ZNF385D: variants seen among roughly 807,000 people sequenced by gnomAD.
ZNF385D encodes zinc finger protein 659.
A neutral mutation model predicts 35.8 loss-of-function variants in ZNF385D; 15 were observed. That is an observed-to-expected ratio of 0.42 (90% CI 0.28 to 0.64). The LOEUF (loss-of-function observed/expected upper bound fraction) is 0.64, where lower values mean the gene tolerates loss of function less well. Ranked by LOEUF, ZNF385D falls within the 30% of genes least tolerant of loss-of-function variation. The pLI is 0.23. For synonymous variants in ZNF385D, 212 were observed against 186.8 expected, an observed-to-expected ratio of 1.13 and a Z score of -1.10; for missense variants, 474 against 494.6, an observed-to-expected ratio of 0.96 and a Z score of 0.39.
rs755442357 is a variant in ZNF385D at position 22,215,821 on chromosome 3, C to T, written c.107-46786G>A. Among the ~76,000 whole-genome samples, 60 of 152,056 alleles carry T rather than the reference C, an allele frequency of 3.9e-4. 1 individual carries two copies. The highest frequency in any genetic ancestry group is 1.0e-3 in the African/African-American group (43 of 41,532). On this transcript the variant is annotated intron_variant, in intron 2 of 5. Transcript: ENST00000494108. ...TGGTTTTACGGCTCAAGGGGCATCA[C>T]GGAACCTGCCGACATGTGATGTCTC...
intron 3 of ZNF385D, among the ~76,000 whole-genome samples, chr3:21,959,774 A>G (rs1419884742): frequency 6.6e-6 from 1 of 152,164 alleles, no homozygotes; most frequent in Non-Finnish European, 1.5e-5. Flanking sequence ...CCTCACTCCA[A>G]GGCAAAATAG....
At chr3:21,978,264 C>A (rs1243361959) in intron 3 of ZNF385D, 6 of 152,178 alleles carry the variant, frequency 3.9e-5, no homozygotes, top group African/African-American at 1.4e-4. Context: ...TGCAAATGTA[C>A]ATTCACCAAT....
At chr3:22,174,944 C>A (rs77085145) in intron 2 of ZNF385D, among the ~76,000 whole-genome samples, 3,103 of 152,064 alleles carry the variant, frequency 0.02, 70 homozygotes, top group South Asian at 0.11. Flanking sequence ...CCAAATTTTA[C>A]AAAAGTTTTG....
chr3:22,029,593 T>C (rs1211995508), intron 3 of ZNF385D, among the ~76,000 whole-genome samples: 1 of 152,228 alleles, frequency 6.6e-6, no homozygotes, highest in Non-Finnish European at 1.5e-5. Flanking sequence ...TCTTCTTTTG[T>C]TAAAAACATG....
chr3:21,818,852 G>A (rs562179730), intron 3 of ZNF385D, among the ~76,000 whole-genome samples: 1 of 152,028 alleles, frequency 6.6e-6, no homozygotes, highest in Admixed American at 6.6e-5. Context: ...AATGTCAAAA[G>A]GAGGATGAGA....
intron 3 of ZNF385D, among the ~76,000 whole-genome samples, chr3:21,783,787 C>A (rs755838056): frequency 5.9e-5 from 9 of 152,152 alleles, no homozygotes; most frequent in Non-Finnish European, 1.3e-4. Context: ...GCAAAGTCAA[C>A]TGATTTTTTT....
intron 1 of ZNF385D, among the ~76,000 whole-genome samples, chr3:21,741,990 C>T (rs1369559836): frequency 2.6e-5 from 4 of 152,210 alleles, no homozygotes; most frequent in Admixed American, 1.3e-4. Flanking sequence ...CTTCTTCCCT[C>T]AATGTCCTCA....
intron 4 of ZNF385D, among the ~76,000 whole-genome samples, chr3:21,495,229 T>C (rs557273696): frequency 3.4e-4 from 51 of 152,188 alleles, no homozygotes; most frequent in Non-Finnish European, 6.2e-4. Context: ...AAGAATGATT[T>C]TTTTTTTTTC....
chr3:22,282,395 C>T (rs779199445), intron 2 of ZNF385D, among the ~76,000 whole-genome samples: 1 of 152,032 alleles, frequency 6.6e-6, no homozygotes, highest in Non-Finnish European at 1.5e-5. Context: ...CTTAGCACCA[C>T]TTTTGCTGTT....
At chr3:21,711,039 GTTTTTTTT>G (rs869252663) in intron 1 of ZNF385D, among the ~76,000 whole-genome samples, 1 of 83,154 alleles carries the variant, frequency 1.2e-5, no homozygotes. Context: ...CCCTCTAAAA[GTTTTTTTT>G]TTTTTTTTTT....
chr3:21,990,585 G>A (rs981476012), intron 3 of ZNF385D, among the ~76,000 whole-genome samples: 1 of 152,136 alleles, frequency 6.6e-6, no homozygotes, highest in Non-Finnish European at 1.5e-5. Context: ...CTTAATATAT[G>A]ATGTATGTGC....
chr3:21,864,626 T>C lies in ZNF385D; in HGVS notation c.326-199598A>G, dbSNP rs556309366. Among the ~76,000 whole-genome samples the C allele has an allele frequency of 4.6e-5, 7 of 152,248 alleles. No individual in the cohort carries two copies. The South Asian group carries it at 1.4e-3, about 32-fold the overall frequency. The stretch of plus-strand genomic sequence containing the variant: ...TAAATACTAATAAAATAATCAAATA[T>C]GATCATTTTCTCAGGGACTAGACAA... On this transcript the variant is annotated intron_variant, in intron 3 of 5. Coordinates refer to the ZNF385D transcript ENST00000494108.
intron 3 of ZNF385D, among the ~76,000 whole-genome samples, chr3:22,165,818 C>G (rs940428212): frequency 6.6e-6 from 1 of 152,138 alleles, no homozygotes; most frequent in Non-Finnish European, 1.5e-5. Flanking sequence ...ATCCCACAGG[C>G]CAGGGTCCTT....
At chr3:21,915,783 G>C (rs1445428046) in intron 3 of ZNF385D, among the ~76,000 whole-genome samples, 1 of 152,148 alleles carries the variant, frequency 6.6e-6, no homozygotes, top group African/African-American at 2.4e-5. Context: ...AAAAAGCAAA[G>C]ACACCTCATA....
chr3:21,592,804 A>G (rs969972740), intron 2 of ZNF385D, among the ~76,000 whole-genome samples: 4 of 152,190 alleles, frequency 2.6e-5, no homozygotes, highest in African/African-American at 7.2e-5. Context: ...AATCTGTCAA[A>G]CAAAGTACAA....
At chr3:21,486,530 A>G (rs1705041161) in intron 4 of ZNF385D, among the ~76,000 whole-genome samples, 1 of 152,110 alleles carries the variant, frequency 6.6e-6, no homozygotes, top group African/African-American at 2.4e-5. Flanking sequence ...AGGTAGGGCT[A>G]AAAAAATGCT....
At chr3:21,848,156 A>G (rs1696135582) in intron 3 of ZNF385D, among the ~76,000 whole-genome samples, 1 of 152,024 alleles carries the variant, frequency 6.6e-6, no homozygotes, top group Non-Finnish European at 1.5e-5. Context: ...CTCATCCATG[A>G]TGTAGAATAT....
chr3:21,700,378 C>A (rs1050640891), intron 1 of ZNF385D, among the ~76,000 whole-genome samples: 1 of 152,092 alleles, frequency 6.6e-6, no homozygotes, highest in Non-Finnish European at 1.5e-5. Flanking sequence ...GCATCTGACA[C>A]CTAGTAAAGG....
At chr3:21,481,631 C>G (rs539719840) in intron 4 of ZNF385D, among the ~76,000 whole-genome samples, 28 of 152,084 alleles carry the variant, frequency 1.8e-4, no homozygotes, top group Non-Finnish European at 1.0e-4. Context: ...TGGCCTCAAG[C>G]GATCTTCCCA....
Sources: gnomAD v4.1 joint callset for allele counts (sites outside exome capture counted in the v4.1 genomes callset) on GRCh38, gnomAD v4.1.1 for gene constraint, MANE v1.5 for transcripts, NCBI Gene and HGNC (gene_info 2026-07-23, HGNC 2026-07-21) for gene names.